Variants in NEK1 observed in about 807,000 individuals in gnomAD.
The protein encoded by NEK1 is NIMA related kinase 1, also known as serine/threonine-protein kinase Nek1.
In NEK1, 137 loss-of-function variants were observed where a neutral mutation model predicts 182.1. The observed-to-expected ratio is 0.75, with a 90% CI of 0.65 to 0.87. NEK1 has a LOEUF of 0.87. NEK1 is among the 40% of genes least tolerant of loss of function. The probability of loss-of-function intolerance (pLI) is 0.00; values close to 1 mark genes in which losing one functional copy is unlikely to be tolerated. For missense variants in NEK1, 1,391 were observed against 1,494.4 expected, an observed-to-expected ratio of 0.93 and a Z score of 1.14; for synonymous variants, 513 against 492.2, an observed-to-expected ratio of 1.04 and a Z score of -0.56.
intron 18 of NEK1, among the ~76,000 whole-genome samples, chr4:169,546,637 T>C (rs1760509992): frequency 2.0e-5 from 3 of 152,204 alleles, no homozygotes; most frequent in African/African-American, 7.2e-5. Context: ...ACTAAGAACT[T>C]GCTTTATGAA....
At chr4:169,400,180 T>C in intron 35 of NEK1, 45 bp downstream of exon 35, 1 of 1,539,460 alleles carries the variant, frequency 6.5e-7, no homozygotes, top group South Asian at 1.2e-5. Flanking sequence ...ATCTTGTTTT[T>C]CTCACATTTA....
chr4:169,491,136 C>CAA lies in NEK1; in HGVS notation c.2008-11604_2008-11603dup, dbSNP rs70964208. On this transcript the variant is annotated intron_variant, in intron 23 of 35. Coordinates refer to ENST00000507142, the MANE Select transcript of NEK1 (RefSeq NM_001199397.3). ...CCAGCAACAGAGGAAGACTCCATCT[C>CAA]AAAAAAAAAAAAAAAAAAAAAAAAA... 1.4e-3 allele frequency among the ~76,000 whole-genome samples: 64 copies of CAA among 45,916 alleles called. 3 individuals are homozygous for CAA. The highest frequency in any genetic ancestry group is 6.0e-3 in the East Asian group (8 of 1,336). The allele number at this position is 45,916 out of a possible 152,430, so 30.1% of individuals were successfully genotyped here.
chr4:169,543,485 A>G (rs1759817290), intron 18 of NEK1, among the ~76,000 whole-genome samples: 2 of 152,194 alleles, frequency 1.3e-5, no homozygotes, highest in African/African-American at 2.4e-5. Flanking sequence ...TTTTGGTTCC[A>G]TACGAAATTT....
At chr4:169,548,785 A>G (rs1760944650) in intron 18 of NEK1, among the ~76,000 whole-genome samples, 1 of 152,110 alleles carries the variant, frequency 6.6e-6, no homozygotes, top group South Asian at 2.1e-4. Flanking sequence ...AAAACCACCT[A>G]CTCAAGCCTC....
chr4:169,523,346 G>A (rs1282477688), intron 19 of NEK1, among the ~76,000 whole-genome samples: 2 of 152,094 alleles, frequency 1.3e-5, no homozygotes, highest in Non-Finnish European at 2.9e-5. Context: ...GTTAAAATGA[G>A]GTCATCAGAA....
At chr4:169,588,502 T>G in intron 8 of NEK1, 147 bp downstream of exon 8, 1 of 450,076 alleles carries the variant, frequency 2.2e-6, no homozygotes, top group Non-Finnish European at 4.0e-6. Flanking sequence ...ACAATTCCCC[T>G]CACCATATAT....
intron 19 of NEK1, among the ~76,000 whole-genome samples, chr4:169,530,206 A>G (rs182091908): frequency 5.9e-5 from 9 of 152,380 alleles, no homozygotes; most frequent in Non-Finnish European, 1.2e-4. Flanking sequence ...CTATTTATAC[A>G]TGCAACAACT....
intron 12 of NEK1, among the ~76,000 whole-genome samples, chr4:169,563,244 C>T (rs759295497): frequency 1.3e-5 from 2 of 151,802 alleles, no homozygotes; most frequent in Non-Finnish European, 2.9e-5. Context: ...ACCTGTTGTC[C>T]CAGCTACTCA....
At chr4:169,443,376 C>A (rs1179005979) in intron 27 of NEK1, among the ~76,000 whole-genome samples, 3 of 129,632 alleles carry the variant, frequency 2.3e-5, no homozygotes, top group East Asian at 4.7e-4. Context: ...CCACAAAATT[C>A]AATGAATTAA....
chr4:169,441,159 A>G (rs901122868), intron 27 of NEK1, among the ~76,000 whole-genome samples: 47 of 152,190 alleles, frequency 3.1e-4, no homozygotes, highest in Admixed American at 1.1e-3. Flanking sequence ...AGGGAGCTGA[A>G]GCATGTGCTC....
At chr4:169,468,116 TAATA>T in intron 26 of NEK1, among the ~76,000 whole-genome samples, 1 of 152,134 alleles carries the variant, frequency 6.6e-6, no homozygotes, top group Non-Finnish European at 1.5e-5. Context: ...AACAAGCTAT[TAATA>T]ATTACAACAC....
intron 19 of NEK1, among the ~76,000 whole-genome samples, chr4:169,509,562 T>C (rs913044734): frequency 7.9e-5 from 12 of 152,136 alleles, no homozygotes; most frequent in Non-Finnish European, 1.0e-4. Context: ...ATTTTTTAGC[T>C]CACTACAATC....
rs1318303444 is a variant in NEK1 at position 169,592,667 on chromosome 4, CTT to C, written c.313-1860_313-1859del. ...AACATGTTTACCTTTTACTCTATCT[CTT>C]CAGTATTTTTTTAAAAAACAATTTT... On this transcript the variant is annotated intron_variant, in intron 5 of 35. Transcript: ENST00000507142. 4.8e-5 allele frequency among the ~76,000 whole-genome samples: 7 copies of C among 145,968 alleles called. No homozygotes were observed. The East Asian group carries it at 1.4e-3, about 30-fold the overall frequency.
At chr4:169,584,737 A>G (rs1216831938) in intron 10 of NEK1, among the ~76,000 whole-genome samples, 1 of 152,214 alleles carries the variant, frequency 6.6e-6, no homozygotes, top group Non-Finnish European at 1.5e-5. Flanking sequence ...ATCACTTTTA[A>G]TTCTCACAAT....
At chr4:169,530,391 C>T (rs957375273) in intron 19 of NEK1, among the ~76,000 whole-genome samples, 1 of 152,110 alleles carries the variant, frequency 6.6e-6, no homozygotes, top group Non-Finnish European at 1.5e-5. Context: ...ACCCATACAA[C>T]CATTCTGTTT....
chr4:169,536,960 T>A (rs1321734608), intron 19 of NEK1, among the ~76,000 whole-genome samples: 1 of 152,220 alleles, frequency 6.6e-6, no homozygotes, highest in Non-Finnish European at 1.5e-5. Flanking sequence ...ACTATGTTTC[T>A]ATGACATTGT....
chr4:169,595,840 G>A (rs983212780), intron 5 of NEK1, among the ~76,000 whole-genome samples: 3 of 147,588 alleles, frequency 2.0e-5, no homozygotes, highest in African/African-American at 5.0e-5. Context: ...GAAGAATGGC[G>A]TGAACCCGGG....
chr4:169,483,879 A>AAG (rs1380113426), intron 23 of NEK1, among the ~76,000 whole-genome samples: 2 of 151,578 alleles, frequency 1.3e-5, no homozygotes, highest in African/African-American at 4.8e-5. Flanking sequence ...AAAAAAAAAA[A>AAG]AAAAAGTTAC....
intron 12 of NEK1, among the ~76,000 whole-genome samples, chr4:169,568,294 T>G (rs1399396071): frequency 1.3e-5 from 2 of 152,218 alleles, no homozygotes; most frequent in African/African-American, 4.8e-5. Context: ...TGTGTATATA[T>G]TCCAAACATT....
Sources: allele counts gnomAD v4.1 joint callset (sites outside exome capture counted in the v4.1 genomes callset), GRCh38; gene constraint gnomAD v4.1.1; transcripts MANE v1.5; gene names NCBI Gene and HGNC (gene_info 2026-07-23, HGNC 2026-07-21).